The following FHIT variants were observed in gnomAD, a reference collection of about 807,000 sequenced individuals.
FHIT encodes the protein bis(5'-adenosyl)-triphosphatase.
Under a neutral mutation model 17.9 loss-of-function variants are expected in FHIT, and 19 were observed. The observed-to-expected ratio is 1.06, with a 90% CI of 0.74 to 1.56. FHIT has a LOEUF of 1.56. Among genes scored for constraint, FHIT ranks in the 40% most tolerant of loss-of-function variants. The pLI is 0.00. For missense variants in FHIT, 248 were observed against 189.2 expected, an observed-to-expected ratio of 1.31 and a Z score of -1.82; for synonymous variants, 81 against 69.7, an observed-to-expected ratio of 1.16 and a Z score of -0.81.
intron 5 of FHIT, among the ~76,000 whole-genome samples, chr3:60,085,819 A>G (rs1404374970): frequency 1.3e-5 from 2 of 152,204 alleles, no homozygotes; most frequent in African/African-American, 2.4e-5. Context: ...TTGGCTCTAC[A>G]GTGCTGCTGG....
intron 8 of FHIT, among the ~76,000 whole-genome samples, chr3:59,856,174 TGTC>T (rs1702149020): frequency 6.6e-6 from 1 of 152,220 alleles, no homozygotes; most frequent in African/African-American, 2.4e-5. Context: ...AAATGGCTAT[TGTC>T]AACAACTATC....
At chr3:61,034,476 T>G (rs923903223) in intron 3 of FHIT, among the ~76,000 whole-genome samples, 1 of 152,046 alleles carries the variant, frequency 6.6e-6, no homozygotes, top group African/African-American at 2.4e-5. Context: ...GGTAGAGGAC[T>G]TTAACAGACA....
At chr3:60,245,699 G>A (rs1464865142) in intron 5 of FHIT, among the ~76,000 whole-genome samples, 1 of 151,948 alleles carries the variant, frequency 6.6e-6, no homozygotes, top group Non-Finnish European at 1.5e-5. Flanking sequence ...CAATTCTAGT[G>A]GAATTACACA....
At chr3:59,975,111 A>T (rs913615299) in intron 7 of FHIT, among the ~76,000 whole-genome samples, 1 of 152,064 alleles carries the variant, frequency 6.6e-6, no homozygotes, top group African/African-American at 2.4e-5. Flanking sequence ...AGTTTTATTC[A>T]TTACTGTATC....
intron 3 of FHIT, among the ~76,000 whole-genome samples, chr3:60,880,789 GA>G (rs782281028): frequency 6.6e-6 from 1 of 151,636 alleles, no homozygotes; most frequent in Non-Finnish European, 1.5e-5. Context: ...CAGATACACA[GA>G]AAAAAAGAGA....
intron 8 of FHIT, among the ~76,000 whole-genome samples, chr3:59,821,092 TGGA>T (rs1700770894): frequency 1.3e-5 from 2 of 152,098 alleles, no homozygotes; most frequent in African/African-American, 4.8e-5. Context: ...GAGGTGGGGC[TGGA>T]GGTCAAGCTT....
chr3:60,570,382 T>C (rs1357252206), intron 4 of FHIT, among the ~76,000 whole-genome samples: 4 of 152,278 alleles, frequency 2.6e-5, no homozygotes, highest in African/African-American at 9.6e-5. Context: ...TCGTTGGTAA[T>C]ACATCTCCAG....
chr3:60,205,857 C>T (rs1451279696), intron 5 of FHIT, among the ~76,000 whole-genome samples: 1 of 151,480 alleles, frequency 6.6e-6, no homozygotes, highest in African/African-American at 2.4e-5. Context: ...GCCTGTAATC[C>T]CAGCATTTTG....
At chr3:61,039,656 G>T (rs183180314) in intron 3 of FHIT, among the ~76,000 whole-genome samples, 2 of 152,038 alleles carry the variant, frequency 1.3e-5, no homozygotes, top group South Asian at 4.2e-4. Context: ...TGAACAATGA[G>T]AACACATGGA....
chr3:60,724,807 C>T (rs1473823443), intron 4 of FHIT, among the ~76,000 whole-genome samples: 3 of 151,980 alleles, frequency 2.0e-5, no homozygotes, highest in African/African-American at 7.2e-5. Context: ...CCCCACCATG[C>T]CTGGCTAATT....
intron 5 of FHIT, among the ~76,000 whole-genome samples, chr3:60,151,264 T>C (rs928553214): frequency 2.6e-5 from 4 of 152,190 alleles, no homozygotes; most frequent in African/African-American, 9.7e-5. Context: ...TATAATCATG[T>C]GATATGACTT....
intron 4 of FHIT, among the ~76,000 whole-genome samples, chr3:60,742,086 C>G (rs1553714034): frequency 6.6e-6 from 1 of 152,166 alleles, no homozygotes; most frequent in Non-Finnish European, 1.5e-5. Flanking sequence ...ATTTGGGGCA[C>G]TCTGAGCTTG....
Position 59,749,252 on chromosome 3 carries a change from G to GTT in FHIT, c.*332_*333insAA, listed in dbSNP as rs1440259543. ...TTGAATTTCCTTTAAAAAAGTAACT[G>GTT]TAACTGTAATAGGTTTGTTGCCTAA... On this transcript the variant is annotated 3_prime_UTR_variant, in exon 10 of 10. Coordinates refer to ENST00000492590, the MANE Select transcript of FHIT (RefSeq NM_002012.4). 4.3e-6 allele frequency: 1 copy of GTT among 230,698 alleles called. No individual in the cohort carries two copies. The allele number at this position is 230,698 out of a possible 1,614,324, so 14.3% of individuals were successfully genotyped here. A position where few individuals can be genotyped will look rare whatever the true frequency, so the allele number is the denominator to read the frequency against.
At chr3:60,568,496 T>C (rs1046095480) in intron 4 of FHIT, among the ~76,000 whole-genome samples, 2 of 151,906 alleles carry the variant, frequency 1.3e-5, no homozygotes, top group Non-Finnish European at 2.9e-5. Flanking sequence ...TTAGGAGATA[T>C]ACCTAATGTT....
intron 4 of FHIT, among the ~76,000 whole-genome samples, chr3:60,604,144 T>G (rs2107718089): frequency 6.6e-6 from 1 of 152,264 alleles, no homozygotes; most frequent in African/African-American, 2.4e-5. Flanking sequence ...CTTTTAAAAA[T>G]ACAAGGATTT....
intron 4 of FHIT, among the ~76,000 whole-genome samples, chr3:60,757,805 T>C (rs1489671675): frequency 6.6e-6 from 1 of 152,086 alleles, no homozygotes; most frequent in Non-Finnish European, 1.5e-5. Context: ...AACAGATTGG[T>C]GGTTTTATTT....
intron 4 of FHIT, among the ~76,000 whole-genome samples, chr3:60,715,134 A>G (rs2041648533): frequency 6.6e-6 from 1 of 152,098 alleles, no homozygotes; most frequent in Non-Finnish European, 1.5e-5. Flanking sequence ...AATGCCGCAT[A>G]TCTACAACTA....
intron 8 of FHIT, among the ~76,000 whole-genome samples, chr3:59,799,980 C>G (rs962901255): frequency 8.5e-5 from 13 of 152,152 alleles, no homozygotes; most frequent in African/African-American, 3.1e-4. Flanking sequence ...AGGCTCCTAC[C>G]ATTTTCTAGT....
intron 8 of FHIT, among the ~76,000 whole-genome samples, chr3:59,821,586 C>T (rs1335613659): frequency 6.6e-6 from 1 of 152,116 alleles, no homozygotes; most frequent in East Asian, 1.9e-4. Context: ...TCCAACAGTG[C>T]CTGGTAGTGT....
Sources: allele counts gnomAD v4.1 joint callset (sites outside exome capture counted in the v4.1 genomes callset), GRCh38; gene constraint gnomAD v4.1.1; transcripts MANE v1.5; gene names NCBI Gene and HGNC (gene_info 2026-07-23, HGNC 2026-07-21).